The following NLGN1 variants were observed in gnomAD, a reference collection of about 807,000 sequenced individuals.
NLGN1 encodes the protein neuroligin-1.
A neutral mutation model predicts 65.5 loss-of-function variants in NLGN1; 12 were observed. That is an observed-to-expected ratio of 0.18 (90% CI 0.12 to 0.30). The LOEUF is 0.30. Ranked by LOEUF, NLGN1 falls within the 10% of genes least tolerant of loss-of-function variation. NLGN1 has a pLI of 1.00. For synonymous variants in NLGN1, 350 were observed against 359.5 expected, an observed-to-expected ratio of 0.97 and a Z score of 0.30; for missense variants, 750 against 1,007.1, an observed-to-expected ratio of 0.74 and a Z score of 3.46.
At chr3:173,948,188 A>G (rs189092017) in intron 4 of NLGN1, among the ~76,000 whole-genome samples, 16 of 152,300 alleles carry the variant, frequency 1.1e-4, no homozygotes, top group Non-Finnish European at 1.9e-4. Context: ...GGCACTGGGT[A>G]TGTTAGTTAA....
intron 4 of NLGN1, among the ~76,000 whole-genome samples, chr3:174,155,095 TTTATC>T (rs1260980846): frequency 1.4e-5 from 2 of 147,182 alleles, no homozygotes; most frequent in Non-Finnish European, 3.0e-5. Flanking sequence ...TTTAAGATGT[TTTATC>T]TTAAATATTT....
chr3:173,893,009 T>A (rs1247265093), intron 4 of NLGN1, among the ~76,000 whole-genome samples: 1 of 152,184 alleles, frequency 6.6e-6, no homozygotes, highest in African/African-American at 2.4e-5. Flanking sequence ...GTATACCTGC[T>A]AATTACATTA....
intron 4 of NLGN1, among the ~76,000 whole-genome samples, chr3:174,122,111 T>C (rs1467766358): frequency 6.6e-6 from 1 of 152,216 alleles, no homozygotes; most frequent in Non-Finnish European, 1.5e-5. Context: ...TGTCTTAACA[T>C]ACCCTGTAGA....
intron 3 of NLGN1, among the ~76,000 whole-genome samples, chr3:173,705,149 G>A (rs1767859639): frequency 6.6e-6 from 1 of 151,352 alleles, no homozygotes; most frequent in Admixed American, 6.6e-5. Context: ...ATCTCCTTTG[G>A]AAACATTTTT....
intron 4 of NLGN1, among the ~76,000 whole-genome samples, chr3:174,056,688 A>C (rs2152511522): frequency 6.6e-6 from 1 of 152,124 alleles, no homozygotes; most frequent in Non-Finnish European, 1.5e-5. Flanking sequence ...ATTTAATAAA[A>C]CACTAAGTGT....
chr3:174,081,223 T>C (rs542516867), intron 4 of NLGN1, among the ~76,000 whole-genome samples: 1 of 152,248 alleles, frequency 6.6e-6, no homozygotes, highest in South Asian at 2.1e-4. Flanking sequence ...AGACACATAT[T>C]ATATTTATTT....
chr3:174,089,078 T>C (rs1266769034), intron 4 of NLGN1, among the ~76,000 whole-genome samples: 1 of 152,126 alleles, frequency 6.6e-6, no homozygotes, highest in Non-Finnish European at 1.5e-5. Flanking sequence ...ATGGCTTCTA[T>C]TACAAAAGGA....
At chr3:174,068,946 T>C (rs988293869) in intron 4 of NLGN1, among the ~76,000 whole-genome samples, 1 of 152,174 alleles carries the variant, frequency 6.6e-6, no homozygotes, top group Non-Finnish European at 1.5e-5. Context: ...ACCTGTAACA[T>C]GCCACGTGAG....
chr3:174,145,636 C>T (rs563268234), intron 4 of NLGN1, among the ~76,000 whole-genome samples: 147 of 152,326 alleles, frequency 9.7e-4, no homozygotes, highest in African/African-American at 3.3e-3. Context: ...GACATTGCTA[C>T]TTGCATTTTG....
At chr3:173,428,180 T>A (rs1716507468) in intron 1 of NLGN1, among the ~76,000 whole-genome samples, 1 of 151,914 alleles carries the variant, frequency 6.6e-6, no homozygotes, top group Admixed American at 6.6e-5. Context: ...CCTTCACTTT[T>A]AGTCTATGTT....
At chr3:173,423,874 C>G (rs979288776) in intron 1 of NLGN1, among the ~76,000 whole-genome samples, 1 of 152,194 alleles carries the variant, frequency 6.6e-6, no homozygotes, top group African/African-American at 2.4e-5. Flanking sequence ...TGTTGGGACT[C>G]CAGCCCCACA....
At chr3:174,114,217 A>T (rs142004757) in intron 4 of NLGN1, among the ~76,000 whole-genome samples, 243 of 152,206 alleles carry the variant, frequency 1.6e-3, no homozygotes, top group African/African-American at 5.7e-3. Context: ...ATGCCATGTG[A>T]TGCTGGCTGT....
At chr3:173,475,115 T>G (rs1275944465) in intron 2 of NLGN1, among the ~76,000 whole-genome samples, 1 of 152,164 alleles carries the variant, frequency 6.6e-6, no homozygotes. Context: ...GGCTAATAGA[T>G]TTTCCAACAT....
intron 4 of NLGN1, among the ~76,000 whole-genome samples, chr3:173,825,517 A>G (rs889933321): frequency 3.3e-5 from 5 of 151,852 alleles, no homozygotes; most frequent in African/African-American, 9.7e-5. Context: ...GTTTTATTCT[A>G]TTTTTCCCAC....
At chr3:173,651,339 T>C (rs1330081505) in intron 3 of NLGN1, among the ~76,000 whole-genome samples, 1 of 151,518 alleles carries the variant, frequency 6.6e-6, no homozygotes, top group Non-Finnish European at 1.5e-5. Flanking sequence ...GTTATATATA[T>C]ATTACTTTTT....
At chr3:173,689,964 A>G (rs1009678734) in intron 3 of NLGN1, among the ~76,000 whole-genome samples, 1 of 152,214 alleles carries the variant, frequency 6.6e-6, no homozygotes, top group East Asian at 1.9e-4. Flanking sequence ...GTTATGAAAA[A>G]AGTAAACATA....
intron 4 of NLGN1, among the ~76,000 whole-genome samples, chr3:173,820,131 A>G (rs12696345): frequency 0.7 from 103,558 of 148,762 alleles, 36,443 homozygotes; most frequent in Non-Finnish European, 0.74. Context: ...GTGAGCGGAG[A>G]TGGCGCCACT....
intron 4 of NLGN1, among the ~76,000 whole-genome samples, chr3:173,843,223 C>G (rs773946231): frequency 2.0e-4 from 31 of 152,310 alleles, no homozygotes; most frequent in Non-Finnish European, 3.5e-4. Flanking sequence ...GACCCTGGGC[C>G]CAGCACACAA....
intron 4 of NLGN1, among the ~76,000 whole-genome samples, chr3:174,166,995 A>G (rs2152727768): frequency 6.6e-6 from 1 of 152,208 alleles, no homozygotes; most frequent in African/African-American, 2.4e-5. Flanking sequence ...TGATATAAGA[A>G]TTGCAACCCC....
Sources: allele counts gnomAD v4.1 joint callset (sites outside exome capture counted in the v4.1 genomes callset), GRCh38; gene constraint gnomAD v4.1.1; transcripts MANE v1.5; gene names NCBI Gene and HGNC (gene_info 2026-07-23, HGNC 2026-07-21).